Variants in MYRIP observed in about 807,000 individuals in gnomAD.
MYRIP encodes the protein myosin VIIA and Rab interacting protein.
Under a neutral mutation model 98.0 loss-of-function variants are expected in MYRIP, and 49 were observed. The ratio of observed to expected loss-of-function variants is 0.50; its 90% confidence interval spans 0.40 to 0.63. The LOEUF (loss-of-function observed/expected upper bound fraction) is 0.63. Among genes scored for constraint, MYRIP ranks in the 30% least tolerant of loss-of-function variants. MYRIP has a pLI of 0.00. For missense variants in MYRIP, 1,004 were observed against 1,058.2 expected (o/e 0.95, Z 0.71); for synonymous variants, 404 against 409.5 (o/e 0.99, Z 0.16).
chr3:39,939,950 T>C (rs1944744899), intron 2 of MYRIP, among the ~76,000 whole-genome samples: 1 of 151,872 alleles, frequency 6.6e-6, no homozygotes, highest in Non-Finnish European at 1.5e-5. Flanking sequence ...CATGCATGTG[T>C]ATGTGTAGAT....
At chr3:40,003,419 T>C (rs1946565825) in intron 2 of MYRIP, among the ~76,000 whole-genome samples, 1 of 152,228 alleles carries the variant, frequency 6.6e-6, no homozygotes, top group Non-Finnish European at 1.5e-5. Context: ...TCTACTTGTA[T>C]GTGGGTTGAG....
chr3:40,133,213 A>G (rs1949682965), intron 3 of MYRIP, among the ~76,000 whole-genome samples: 1 of 152,238 alleles, frequency 6.6e-6, no homozygotes, highest in Non-Finnish European at 1.5e-5. Flanking sequence ...AGTTGTGAAA[A>G]TAAGAATTCA....
chr3:40,089,830 T>C (rs1948708203), intron 3 of MYRIP, among the ~76,000 whole-genome samples: 1 of 152,174 alleles, frequency 6.6e-6, no homozygotes, highest in African/African-American at 2.4e-5. Flanking sequence ...TCTATAGATT[T>C]CTATTTTCTT....
At chr3:40,135,223 C>T (rs1320267523) in intron 3 of MYRIP, among the ~76,000 whole-genome samples, 1 of 152,126 alleles carries the variant, frequency 6.6e-6, no homozygotes, top group Non-Finnish European at 1.5e-5. Context: ...GGCACGAGAA[C>T]TACATGACAA....
intron 2 of MYRIP, among the ~76,000 whole-genome samples, chr3:39,967,709 A>G (rs1049525413): frequency 2.6e-5 from 4 of 152,160 alleles, no homozygotes; most frequent in Non-Finnish European, 5.9e-5. Context: ...AACAGTGTAT[A>G]AGTGTTCCCA....
intron 4 of MYRIP, among the ~76,000 whole-genome samples, chr3:40,160,210 A>T (rs1950351801): frequency 6.6e-6 from 1 of 152,238 alleles, no homozygotes; most frequent in Admixed American, 6.5e-5. Context: ...TTTCCTTCTA[A>T]CAGACAGGAC....
chr3:39,846,355 C>T (rs1400655095), intron 1 of MYRIP, among the ~76,000 whole-genome samples: 1 of 152,192 alleles, frequency 6.6e-6, no homozygotes, highest in Non-Finnish European at 1.5e-5. Flanking sequence ...CTCTGATCCC[C>T]ACTCACCTAT....
chr3:39,886,400 G>A (rs1943305249), intron 1 of MYRIP, among the ~76,000 whole-genome samples: 1 of 149,058 alleles, frequency 6.7e-6, no homozygotes. Context: ...TGGCAAATTG[G>A]ATAAAGAGTC....
intron 10 of MYRIP, among the ~76,000 whole-genome samples, chr3:40,196,457 C>T (rs1034610212): frequency 2.0e-5 from 3 of 152,058 alleles, no homozygotes; most frequent in Non-Finnish European, 2.9e-5. Context: ...CAATGTAATT[C>T]GCATTTTAAT....
chr3:39,917,421 T>C (rs1944188374), intron 2 of MYRIP, among the ~76,000 whole-genome samples: 1 of 141,300 alleles, frequency 7.1e-6, no homozygotes. Flanking sequence ...TGGGTTTATC[T>C]AGGATGCTTT....
intron 2 of MYRIP, among the ~76,000 whole-genome samples, chr3:40,004,146 T>A (rs754648050): frequency 6.6e-6 from 1 of 152,250 alleles, no homozygotes; most frequent in Non-Finnish European, 1.5e-5. Flanking sequence ...AGCACCCTGA[T>A]GTCTTCTCTT....
At chr3:40,013,910 C>A (rs1212632353) in intron 2 of MYRIP, among the ~76,000 whole-genome samples, 1 of 152,224 alleles carries the variant, frequency 6.6e-6, no homozygotes, top group Admixed American at 6.5e-5. Flanking sequence ...CTGTTCTCAT[C>A]CTGTCTGGTT....
At chr3:40,112,495 A>G (rs1030195814) in intron 3 of MYRIP, among the ~76,000 whole-genome samples, 1 of 152,214 alleles carries the variant, frequency 6.6e-6, no homozygotes, top group Non-Finnish European at 1.5e-5. Context: ...GGTTTAGCCC[A>G]TCACTTCCTA....
intron 4 of MYRIP, among the ~76,000 whole-genome samples, chr3:40,158,761 T>A (rs1000289566): frequency 6.7e-6 from 1 of 149,406 alleles, no homozygotes; most frequent in East Asian, 2.0e-4. Context: ...TGGCCTTCTT[T>A]GTCTCTTTTG....
chr3:40,006,249 C>T (rs1436820017), intron 2 of MYRIP, among the ~76,000 whole-genome samples: 6 of 152,008 alleles, frequency 3.9e-5, no homozygotes, highest in Admixed American at 6.6e-5. Flanking sequence ...TCCTTCTTGC[C>T]GTAGTTTAGA....
chr3:40,232,315 G>C (rs974103963), intron 11 of MYRIP, among the ~76,000 whole-genome samples: 1 of 152,226 alleles, frequency 6.6e-6, no homozygotes, highest in Non-Finnish European at 1.5e-5. Context: ...ATGTGCCTCA[G>C]TGTAGAAGCC....
rs758292980 is a variant in MYRIP at position 40,250,477 on chromosome 3, A to G, written c.2406A>G (p.Lys802=). 5.0e-6 allele frequency: 8 copies of G among 1,614,218 alleles called. No homozygotes were observed. The South Asian group carries it at 8.8e-5, about 18-fold the overall frequency. ...TIDTSRQQRR[K]LPAPPVKAEK... ...ATACATCAAGGCAGCAAAGGAGGAA[A>G]CTGCCTGCTCCACCGGTGAAAGGTA... Residue 802 remains lysine (K), a synonymous_variant, in exon 15 of 17, where the codon AAA becomes AAG. Transcript: ENST00000302541.
At chr3:39,942,574 A>C (rs1487953646) in intron 2 of MYRIP, among the ~76,000 whole-genome samples, 1 of 152,148 alleles carries the variant, frequency 6.6e-6, no homozygotes, top group Admixed American at 6.6e-5. Context: ...TGATATTTTG[A>C]AACATTCATA....
chr3:40,167,371 T>A, intron 7 of MYRIP, 132 bp downstream of exon 7: 1 of 836,374 alleles, frequency 1.2e-6, no homozygotes. Context: ...ACTTTAGACT[T>A]TTGTGCCCTG....
Sources: gnomAD v4.1 joint callset for allele counts (sites outside exome capture counted in the v4.1 genomes callset) on GRCh38, gnomAD v4.1.1 for gene constraint, MANE v1.5 for transcripts, NCBI Gene and HGNC (gene_info 2026-07-23, HGNC 2026-07-21) for gene names.